Variants in NTM observed in about 807,000 individuals in gnomAD.
NTM encodes the protein neurotrimin.
A neutral mutation model predicts 42.1 loss-of-function variants in NTM; 13 were observed. The observed-to-expected ratio is 0.31, with a 90% CI of 0.20 to 0.49. NTM has a LOEUF of 0.49. Ranked by LOEUF, NTM falls within the 20% of genes least tolerant of loss-of-function variation. The probability of loss-of-function intolerance (pLI) is 0.99; values close to 1 mark genes in which losing one functional copy is unlikely to be tolerated. For missense variants in NTM, 373 were observed against 452.8 expected (o/e 0.82, Z 1.60); for synonymous variants, 187 against 179.2 (o/e 1.04, Z -0.35).
intron 2 of NTM, among the ~76,000 whole-genome samples, chr11:132,027,210 T>C (rs2075300019): frequency 2.0e-5 from 3 of 152,320 alleles, no homozygotes; most frequent in Middle Eastern, 3.4e-3. Flanking sequence ...CCACATGATA[T>C]ATGAAATTTC....
chr11:132,116,953 C>G (rs2063985810), intron 2 of NTM, among the ~76,000 whole-genome samples: 1 of 152,116 alleles, frequency 6.6e-6, no homozygotes, highest in African/African-American at 2.4e-5. Context: ...GGAAACTATC[C>G]ATCGAGGACA....
chr11:132,228,355 T>A (rs144921544), intron 4 of NTM, among the ~76,000 whole-genome samples: 1,753 of 152,286 alleles, frequency 0.012, 17 homozygotes, highest in Non-Finnish European at 0.019. Context: ...ATGTTAGGGA[T>A]GAGGGAGAGC....
chr11:131,919,110 G>A (rs1052057305), intron 2 of NTM, among the ~76,000 whole-genome samples: 36 of 83,442 alleles, frequency 4.3e-4, no homozygotes, highest in African/African-American at 1.4e-3. Flanking sequence ...GCTCCAAAAC[G>A]CTTCCTTTTT....
intron 1 of NTM, among the ~76,000 whole-genome samples, chr11:131,571,535 C>T (rs1392486920): frequency 6.6e-6 from 1 of 152,186 alleles, no homozygotes; most frequent in African/African-American, 2.4e-5. Flanking sequence ...AGGAAAGCTC[C>T]ATTATTAGTT....
At chr11:131,782,601 A>G (rs966295071) in intron 1 of NTM, among the ~76,000 whole-genome samples, 54 of 152,274 alleles carry the variant, frequency 3.5e-4, no homozygotes, top group African/African-American at 1.3e-3. Flanking sequence ...ACAGTCCTTG[A>G]CAATGTATTA....
intron 1 of NTM, among the ~76,000 whole-genome samples, chr11:131,593,748 C>T (rs1345043222): frequency 2.0e-5 from 3 of 152,288 alleles, no homozygotes; most frequent in East Asian, 1.9e-4. Context: ...TTTTCTTTTG[C>T]GCCACATTCT....
intron 1 of NTM, among the ~76,000 whole-genome samples, chr11:131,470,457 T>C (rs1033186223): frequency 2.0e-4 from 30 of 152,218 alleles, no homozygotes; most frequent in Admixed American, 1.1e-3. Flanking sequence ...CTTTCCTTTT[T>C]CTGATGAGAG....
At chr11:131,422,130 G>C (rs1258046923) in intron 1 of NTM, among the ~76,000 whole-genome samples, 1 of 152,240 alleles carries the variant, frequency 6.6e-6, no homozygotes, top group Admixed American at 6.5e-5. Flanking sequence ...AAGGGAAGGG[G>C]TGTGGTTTAT....
intron 1 of NTM, among the ~76,000 whole-genome samples, chr11:131,582,557 A>AT (rs55675738): frequency 0.29 from 43,171 of 151,086 alleles, 8,605 homozygotes; most frequent in African/African-American, 0.56. Flanking sequence ...TGCTTTGTTA[A>AT]TTTTTTTTAA....
At chr11:131,370,918 T>A (rs201439902) in intron 1 of NTM, 30 bp downstream of exon 1, 34 of 1,612,606 alleles carry the variant, frequency 2.1e-5, no homozygotes, top group Non-Finnish European at 4.2e-6. Flanking sequence ...TTGCCTTCGG[T>A]AGACCCAGGA....
rs137868521 is a variant in NTM at position 131,716,685 on chromosome 11, A to G, written c.83-194879A>G. ...GTGAAGTGCCTGTTCAAATATTTTC[A>G]TTGCTTTTCTTTTCTCCATTGACTT... On this transcript the variant is annotated intron_variant, in intron 1 of 8. Transcript: ENST00000683400. Among the ~76,000 whole-genome samples the G allele has an allele frequency of 8.9e-3, 1,360 of 152,226 alleles. 25 individuals are homozygous for G. The highest frequency in any genetic ancestry group is 0.027 in the African/African-American group (1,113 of 41,532).
intron 1 of NTM, among the ~76,000 whole-genome samples, chr11:131,441,219 C>A (rs144331041): frequency 3.1e-4 from 47 of 152,278 alleles, no homozygotes; most frequent in African/African-American, 1.0e-3. Flanking sequence ...TGAGCTGATG[C>A]GTCTCCAACC....
chr11:132,070,753 C>A (rs1242710008), intron 2 of NTM, among the ~76,000 whole-genome samples: 2 of 144,228 alleles, frequency 1.4e-5, no homozygotes, highest in Non-Finnish European at 3.1e-5. Flanking sequence ...AACTGACCGT[C>A]ACAGGTTAGT....
intron 1 of NTM, among the ~76,000 whole-genome samples, chr11:131,552,632 G>A (rs1342034099): frequency 6.6e-6 from 1 of 151,898 alleles, no homozygotes; most frequent in African/African-American, 2.4e-5. Flanking sequence ...TGGCTAACAT[G>A]GTGAAACACC....
At chr11:132,324,013 A>G (rs2095626899) in intron 7 of NTM, among the ~76,000 whole-genome samples, 1 of 143,296 alleles carries the variant, frequency 7.0e-6, no homozygotes. Context: ...TTAGGTATTG[A>G]TGGGACATAT....
chr11:131,871,672 G>T (rs1203114382), intron 1 of NTM, among the ~76,000 whole-genome samples: 1 of 152,126 alleles, frequency 6.6e-6, no homozygotes, highest in African/African-American at 2.4e-5. Context: ...CCAAGGAGAT[G>T]CATGGAGAGA....
intron 1 of NTM, among the ~76,000 whole-genome samples, chr11:131,858,726 G>A (rs1365667191): frequency 5.3e-5 from 8 of 152,172 alleles, no homozygotes; most frequent in East Asian, 1.9e-4. Context: ...AATTGCTCTC[G>A]TCTGAATCCT....
chr11:132,209,661 G>T (rs906139259), intron 3 of NTM, among the ~76,000 whole-genome samples: 3 of 152,334 alleles, frequency 2.0e-5, no homozygotes, highest in African/African-American at 7.2e-5. Flanking sequence ...ACACTACAGT[G>T]CTGTGGAATC....
At chr11:131,991,567 G>T (rs181571754) in intron 2 of NTM, among the ~76,000 whole-genome samples, 7 of 152,082 alleles carry the variant, frequency 4.6e-5, no homozygotes, top group Admixed American at 2.0e-4. Flanking sequence ...GACAAGACAA[G>T]TGTCAGTGTT....
Sources: gnomAD v4.1 joint callset for allele counts (sites outside exome capture counted in the v4.1 genomes callset) on GRCh38, gnomAD v4.1.1 for gene constraint, MANE v1.5 for transcripts, NCBI Gene and HGNC (gene_info 2026-07-23, HGNC 2026-07-21) for gene names.